DDAH1: variants seen among roughly 807,000 people sequenced by gnomAD.
The protein encoded by DDAH1 is dimethylarginine dimethylaminohydrolase 1, also known as N(G),N(G)-dimethylarginine dimethylaminohydrolase 1.
Under a neutral mutation model 28.8 loss-of-function variants are expected in DDAH1, and 19 were observed. The ratio of observed to expected loss-of-function variants is 0.66; its 90% CI spans 0.46 to 0.97. The LOEUF is 0.97. DDAH1 is among the 50% of genes least tolerant of loss of function. The pLI is 0.00. For missense variants in DDAH1, 326 were observed against 375.9 expected, an observed-to-expected ratio of 0.87 and a Z score of 1.10; for synonymous variants, 153 against 154.4, an observed-to-expected ratio of 0.99 and a Z score of 0.07.
intron 1 of DDAH1, among the ~76,000 whole-genome samples, chr1:85,498,644 T>A (rs1656682281): frequency 6.6e-6 from 1 of 152,130 alleles, no homozygotes; most frequent in Non-Finnish European, 1.5e-5. Flanking sequence ...TCGAGCCCTG[T>A]GTGGTGGCTC....
intron 1 of DDAH1, among the ~76,000 whole-genome samples, chr1:85,429,251 T>C (rs1025030163): frequency 2.0e-5 from 3 of 151,256 alleles, no homozygotes; most frequent in Admixed American, 6.6e-5. Context: ...CACTTATGTA[T>C]GAGAACATGC....
intron 4 of DDAH1, among the ~76,000 whole-genome samples, chr1:85,327,464 C>G (rs1315789375): frequency 6.6e-6 from 1 of 152,194 alleles, no homozygotes; most frequent in Middle Eastern, 3.2e-3. Flanking sequence ...ACCTAGATCC[C>G]CTAGAGAGAT....
At chr1:85,393,651 TA>T (rs1186339273) in intron 1 of DDAH1, among the ~76,000 whole-genome samples, 3 of 152,242 alleles carry the variant, frequency 2.0e-5, no homozygotes, top group Non-Finnish European at 4.4e-5. Flanking sequence ...AAAATTCACA[TA>T]ACAAACCTTA....
At chr1:85,413,245 T>C (rs1019153311) in intron 1 of DDAH1, among the ~76,000 whole-genome samples, 2 of 152,220 alleles carry the variant, frequency 1.3e-5, no homozygotes, top group Non-Finnish European at 2.9e-5. Context: ...TTTTACCATT[T>C]AAGGACACTG....
chr1:85,367,382 C>G (rs767071349), intron 1 of DDAH1, among the ~76,000 whole-genome samples: 1 of 152,114 alleles, frequency 6.6e-6, no homozygotes, highest in Non-Finnish European at 1.5e-5. Flanking sequence ...TCCTGCTATG[C>G]GCTCTGAGGA....
intron 1 of DDAH1, among the ~76,000 whole-genome samples, chr1:85,361,084 G>A (rs569114299): frequency 1.6e-4 from 25 of 152,292 alleles, no homozygotes. Flanking sequence ...CATCAAATCG[G>A]CAATGCTAAA....
intron 4 of DDAH1, 141 bp downstream of exon 4, chr1:85,350,274 C>G (rs1649121975): frequency 1.9e-6 from 2 of 1,062,702 alleles, no homozygotes; most frequent in East Asian, 4.8e-5. Flanking sequence ...GAGGTCACAA[C>G]AGTGCACATC....
chr1:85,532,194 C>T (rs2604090), intron 1 of DDAH1, among the ~76,000 whole-genome samples: 15 of 152,008 alleles, frequency 9.9e-5, no homozygotes, highest in Non-Finnish European at 1.9e-4. Flanking sequence ...GCAGAGGCTA[C>T]GTGTCAAGAC....
chr1:85,481,095 T>TTG (rs1462168368), intron 2 of DDAH1, among the ~76,000 whole-genome samples: 22 of 103,010 alleles, frequency 2.1e-4, no homozygotes, highest in Non-Finnish European at 3.3e-4. Context: ...CTTTGGGTTT[T>TTG]TTGTTTTTTT....
At chr1:85,532,359 G>A (rs2100775126) in intron 1 of DDAH1, among the ~76,000 whole-genome samples, 1 of 151,016 alleles carries the variant, frequency 6.6e-6, no homozygotes, top group African/African-American at 2.4e-5. Flanking sequence ...TGTGCTTTCA[G>A]TAACTAAAAA....
intron 1 of DDAH1, among the ~76,000 whole-genome samples, chr1:85,572,439 A>T (rs529085620): frequency 1.3e-5 from 2 of 152,322 alleles, no homozygotes; most frequent in Admixed American, 1.3e-4. Context: ...TCTTTGAAAC[A>T]GGTATTCTGC....
At chr1:85,333,923 G>T (rs887405280) in intron 4 of DDAH1, among the ~76,000 whole-genome samples, 2 of 152,126 alleles carry the variant, frequency 1.3e-5, no homozygotes, top group African/African-American at 4.8e-5. Flanking sequence ...TTTAGAAACA[G>T]GAAGCTCAAA....
At chr1:85,484,342 T>C (rs997206917) in intron 2 of DDAH1, among the ~76,000 whole-genome samples, 1 of 152,118 alleles carries the variant, frequency 6.6e-6, no homozygotes, top group Non-Finnish European at 1.5e-5. Flanking sequence ...ATGTGTAATG[T>C]CTGAGCTCAT....
chr1:85,480,412 C>T lies in DDAH1; in HGVS notation c.-7+15754G>A, dbSNP rs543837768. On this transcript the variant is annotated intron_variant, in intron 2 of 6. Transcript: ENST00000426972. The stretch of plus-strand genomic sequence containing the variant: ...TAAGTGTGCTAGATACTGTGGCTAA[C>T]GATCTGATTAAGAAATGGTTTCTCC... Among the ~76,000 whole-genome samples the T allele has an allele frequency of 8.5e-5, 13 of 152,274 alleles. No individual in the cohort carries two copies. In the East Asian group the frequency reaches 1.2e-3, roughly 14 times the overall value.
Position 85,464,413 on chromosome 1 carries a change from ACACT to A in DDAH1, c.303+326_303+329del, listed in dbSNP as rs1472962143. On this transcript the variant is annotated intron_variant, in intron 1 of 5. Coordinates refer to ENST00000284031, the MANE Select transcript of DDAH1 (RefSeq NM_012137.4). This position sits in a 1 kb window ranked among gnomAD's most constrained non-coding sequence, Gnocchi z 4.4. ...CCTCGCGGCCCTCGCTCCCTGGGAA[ACACT>A]CAGAGTTGCACTGTCGTCGCTGCCG... The A allele has an allele frequency of 2.3e-6, 3 of 1,314,428 alleles. No individual in the cohort carries two copies. The Admixed American group carries it at 6.5e-5, about 28-fold the overall frequency. The allele number at this position is 1,314,428 out of a possible 1,614,324, so 81.4% of individuals were successfully genotyped here.
chr1:85,447,511 T>C (rs1412412728), intron 1 of DDAH1, among the ~76,000 whole-genome samples: 2 of 152,172 alleles, frequency 1.3e-5, no homozygotes, highest in East Asian at 3.9e-4. Flanking sequence ...ATGTCCCTAA[T>C]GATTCTGTGG....
intron 1 of DDAH1, among the ~76,000 whole-genome samples, chr1:85,563,626 G>T (rs1659202319): frequency 6.6e-6 from 1 of 152,174 alleles, no homozygotes; most frequent in African/African-American, 2.4e-5. Flanking sequence ...AATTCACAAT[G>T]TATGACATCC....
chr1:85,400,466 A>C (rs1336213832), intron 1 of DDAH1, among the ~76,000 whole-genome samples: 1 of 151,796 alleles, frequency 6.6e-6, no homozygotes, highest in Non-Finnish European at 1.5e-5. Context: ...GGCTTCCCAA[A>C]GTGCTGGGAT....
chr1:85,350,015 A>G (rs1480300335), intron 4 of DDAH1, among the ~76,000 whole-genome samples: 2 of 152,236 alleles, frequency 1.3e-5, no homozygotes, highest in Non-Finnish European at 2.9e-5. Flanking sequence ...AATAGTCCAG[A>G]CGCAACAAAA....
Sources: allele counts gnomAD v4.1 joint callset (sites outside exome capture counted in the v4.1 genomes callset), GRCh38; gene constraint gnomAD v4.1.1; non-coding constraint Gnocchi (gnomAD v3.1); transcripts MANE v1.5; gene names NCBI Gene and HGNC (gene_info 2026-07-23, HGNC 2026-07-21).